The following PAK3 variants were observed in gnomAD, a reference collection of about 807,000 sequenced individuals.
The protein encoded by PAK3 is serine/threonine-protein kinase PAK 3.
PAK3 carries 4 observed loss-of-function variants against 41.0 expected under a neutral mutation model. The ratio of observed to expected loss-of-function variants is 0.10; its 90% CI spans 0.05 to 0.22. The LOEUF (loss-of-function observed/expected upper bound fraction) is 0.22. Ranked by LOEUF, PAK3 falls within the 10% of genes least tolerant of loss-of-function variation. The pLI, the probability that PAK3 is intolerant of heterozygous loss-of-function variation, is 1.00. For missense variants in PAK3, 205 were observed against 409.9 expected (o/e 0.50, Z 4.32); for synonymous variants, 146 against 139.6 (o/e 1.05, Z -0.32).
At position 110,973,402 on chromosome X, in the gene PAK3, C is replaced by T. The variant is rs964069788; in HGVS notation, c.-28+28774C>T. ...TCTACAAGCCAGAAAAGAGTGGGGG[C>T]CAATATTCAATATTCTTAAAGAAAA... On this transcript the variant is annotated intron_variant, in intron 1 of 14. Transcript: ENST00000425146. Among the ~76,000 whole-genome samples the T allele has an allele frequency of 3.6e-5, 4 of 111,992 alleles. No individual in the cohort carries two copies. In the South Asian group the frequency reaches 1.5e-3, roughly 42 times the overall value.
intron 4 of PAK3, among the ~76,000 whole-genome samples, chrX:111,120,443 C>CA (rs1170273184): frequency 9.0e-6 from 1 of 111,619 alleles, no homozygotes; most frequent in Non-Finnish European, 1.9e-5. Context: ...TAATTAGGAA[C>CA]AAAAAAGGCC....
intron 1 of PAK3, among the ~76,000 whole-genome samples, chrX:110,994,682 C>G (rs2091710059): frequency 8.9e-6 from 1 of 111,774 alleles, no homozygotes; most frequent in South Asian, 3.8e-4. Context: ...TCTGAATTCC[C>G]AGAATGCTTT....
intron 1 of PAK3, among the ~76,000 whole-genome samples, chrX:111,064,175 G>C (rs1238508439): frequency 8.9e-6 from 1 of 112,051 alleles, no homozygotes; most frequent in Non-Finnish European, 1.9e-5. Context: ...TACTTTAGAC[G>C]AATAATTTCT....
At chrX:111,111,381 T>A (rs754239279) in intron 4 of PAK3, among the ~76,000 whole-genome samples, 3 of 112,193 alleles carry the variant, frequency 2.7e-5, no homozygotes, top group Non-Finnish European at 5.6e-5. Flanking sequence ...GTTAAGTTTT[T>A]ACTGATATTT....
At chrX:111,208,304 G>A (rs1030699613) in intron 16 of PAK3, among the ~76,000 whole-genome samples, 4 of 111,695 alleles carry the variant, frequency 3.6e-5, no homozygotes, top group African/African-American at 1.3e-4. Flanking sequence ...ATTTATTATC[G>A]AAGAAAGACA....
At chrX:111,210,348 A>T (rs1486512525) in intron 16 of PAK3, among the ~76,000 whole-genome samples, 1 of 110,647 alleles carries the variant, frequency 9.0e-6, no homozygotes, top group Non-Finnish European at 1.9e-5. Context: ...GTCTTTCTGC[A>T]TTGGCCATGT....
chrX:111,211,463 G>T (rs1268090841), intron 16 of PAK3, among the ~76,000 whole-genome samples: 1 of 110,122 alleles, frequency 9.1e-6, no homozygotes, highest in Non-Finnish European at 1.9e-5. Context: ...GGATCATGAG[G>T]TCAGGAGATC....
intron 1 of PAK3, among the ~76,000 whole-genome samples, chrX:111,002,213 C>T (rs1011219075): frequency 2.7e-5 from 3 of 111,601 alleles, no homozygotes; most frequent in African/African-American, 9.8e-5. Context: ...TCATTTAGCC[C>T]TCACAATAAC....
chrX:111,008,327 A>G (rs1025539101), intron 1 of PAK3, among the ~76,000 whole-genome samples: 3 of 112,473 alleles, frequency 2.7e-5, no homozygotes, highest in African/African-American at 9.7e-5. Context: ...GCACATATAA[A>G]TGTGCTCAGC....
intron 4 of PAK3, among the ~76,000 whole-genome samples, chrX:111,112,244 C>CT (rs1256825768): frequency 1.8e-5 from 2 of 110,041 alleles, no homozygotes; most frequent in African/African-American, 6.6e-5. Context: ...TTCCATTCCT[C>CT]TTTTTTGTCC....
At chrX:110,985,809 C>G (rs1362720526) in intron 1 of PAK3, among the ~76,000 whole-genome samples, 17 of 111,984 alleles carry the variant, frequency 1.5e-4, no homozygotes, top group Non-Finnish European at 1.9e-5. Context: ...AAACTGAAAC[C>G]CAGGTGATTC....
intron 5 of PAK3, among the ~76,000 whole-genome samples, chrX:111,129,001 T>A (rs1292111446): frequency 2.7e-5 from 3 of 111,429 alleles, no homozygotes; most frequent in African/African-American, 9.8e-5. Flanking sequence ...AGTTTTGTTA[T>A]TGTATTGAAT....
chrX:111,004,658 C>G (rs1159254162), intron 1 of PAK3, among the ~76,000 whole-genome samples: 1 of 112,137 alleles, frequency 8.9e-6, no homozygotes, highest in Non-Finnish European at 1.9e-5. Context: ...TAAGCACATT[C>G]TGTTTTACTG....
chrX:111,068,775 C>A (rs1385177072), intron 1 of PAK3, among the ~76,000 whole-genome samples: 6 of 112,833 alleles, frequency 5.3e-5, no homozygotes, highest in Non-Finnish European at 1.1e-4. Flanking sequence ...CACTCATCAT[C>A]TTTGATTGCT....
chrX:111,004,570 C>G (rs1330711569), intron 1 of PAK3, among the ~76,000 whole-genome samples: 4 of 112,281 alleles, frequency 3.6e-5, no homozygotes, highest in Non-Finnish European at 5.6e-5. Context: ...ATATTATATC[C>G]TATGAAAACA....
chrX:110,960,398 A>G (rs777164176), intron 1 of PAK3, among the ~76,000 whole-genome samples: 2 of 112,244 alleles, frequency 1.8e-5, no homozygotes, highest in South Asian at 7.6e-4. Context: ...AATTTCAACA[A>G]GAATAGCCTT....
chrX:111,025,698 G>A (rs1286640246), intron 1 of PAK3, among the ~76,000 whole-genome samples: 2 of 110,783 alleles, frequency 1.8e-5, no homozygotes, highest in Non-Finnish European at 3.8e-5. Context: ...ATTCACAGGT[G>A]AATTCTATCA....
chrX:111,011,260 AT>A (rs777326438), intron 1 of PAK3, among the ~76,000 whole-genome samples: 1 of 111,582 alleles, frequency 9.0e-6, no homozygotes, highest in South Asian at 3.8e-4. Flanking sequence ...TGAAGGCATG[AT>A]TTTGAAACAC....
chrX:111,035,464 G>A (rs924747874), intron 1 of PAK3, among the ~76,000 whole-genome samples: 25 of 111,623 alleles, frequency 2.2e-4, no homozygotes, highest in Non-Finnish European at 4.1e-4. Context: ...TCTTTACTGT[G>A]GGTAGCTGAT....
Sources: allele counts gnomAD v4.1 joint callset (sites outside exome capture counted in the v4.1 genomes callset), GRCh38; gene constraint gnomAD v4.1.1; transcripts MANE v1.5; gene names NCBI Gene and HGNC (gene_info 2026-07-23, HGNC 2026-07-21).